Variants in NTM observed in about 807,000 individuals in gnomAD.
NTM encodes the protein neurotrimin.
In NTM, 13 loss-of-function variants were observed where a neutral mutation model predicts 42.1. That is an observed-to-expected ratio of 0.31 (90% CI 0.20 to 0.49). The LOEUF (loss-of-function observed/expected upper bound fraction) is 0.49, where lower values mean the gene tolerates loss of function less well. Among genes scored for constraint, NTM ranks in the 20% least tolerant of loss-of-function variants. The pLI is 0.99. For missense variants in NTM, 373 were observed against 452.8 expected (o/e 0.82, Z 1.60); for synonymous variants, 187 against 179.2 (o/e 1.04, Z -0.35).
At chr11:131,385,862 C>A (rs1444122259) in intron 1 of NTM, among the ~76,000 whole-genome samples, 1 of 151,932 alleles carries the variant, frequency 6.6e-6, no homozygotes, top group South Asian at 2.1e-4. Context: ...AGTGTCTAAA[C>A]GAAACAAAAT....
intron 2 of NTM, among the ~76,000 whole-genome samples, chr11:132,134,749 A>ATCTATC (rs1289812194): frequency 2.1e-4 from 22 of 106,934 alleles, no homozygotes; most frequent in East Asian, 3.1e-4. Flanking sequence ...ATATATATAT[A>ATCTATC]TATATATATA....
At chr11:132,024,111 C>A (rs975199666) in intron 2 of NTM, among the ~76,000 whole-genome samples, 1 of 151,806 alleles carries the variant, frequency 6.6e-6, no homozygotes, top group Non-Finnish European at 1.5e-5. Flanking sequence ...AGCTACTGCA[C>A]CCAGCATTTT....
intron 7 of NTM, among the ~76,000 whole-genome samples, chr11:132,326,248 G>A (rs1488780239): frequency 5.3e-5 from 8 of 152,166 alleles, no homozygotes; most frequent in East Asian, 1.9e-4. Flanking sequence ...GACATGCATT[G>A]CTATGGCTAT....
chr11:131,432,836 A>ATTTTTTTTTTTTTT (rs1565494754), intron 1 of NTM, among the ~76,000 whole-genome samples: 1 of 87,390 alleles, frequency 1.1e-5, no homozygotes, highest in African/African-American at 4.5e-5. Context: ...AAGATTTAGC[A>ATTTTTTTTTTTTTT]TTCTTTTTTT....
chr11:131,688,287 G>T (rs1429825161), intron 1 of NTM, among the ~76,000 whole-genome samples: 1 of 152,188 alleles, frequency 6.6e-6, no homozygotes, highest in Non-Finnish European at 1.5e-5. Flanking sequence ...CAGCTTGCCC[G>T]TCCTCCTTCC....
chr11:131,799,198 A>T (rs564526352), intron 1 of NTM, among the ~76,000 whole-genome samples: 5 of 152,292 alleles, frequency 3.3e-5, no homozygotes, highest in African/African-American at 1.2e-4. Flanking sequence ...TACATACTAT[A>T]TCCCACCCTA....
intron 2 of NTM, among the ~76,000 whole-genome samples, chr11:131,963,445 T>C (rs553857944): frequency 1.3e-5 from 2 of 152,364 alleles, no homozygotes; most frequent in South Asian, 4.1e-4. Flanking sequence ...AAGGGAGATA[T>C]TATCTCTGTC....
chr11:132,248,181 G>A (rs1293484530), intron 4 of NTM, among the ~76,000 whole-genome samples: 2 of 152,096 alleles, frequency 1.3e-5, no homozygotes, highest in African/African-American at 2.4e-5. Context: ...CCATTCTCAG[G>A]GAGGGAGAGA....
At chr11:131,875,465 T>G (rs1168667090) in intron 1 of NTM, among the ~76,000 whole-genome samples, 2 of 152,218 alleles carry the variant, frequency 1.3e-5, no homozygotes, top group East Asian at 3.8e-4. Flanking sequence ...TCTATAATAA[T>G]GCAGAAAATT....
chr11:132,067,113 C>G (rs147207899), intron 2 of NTM, among the ~76,000 whole-genome samples: 1 of 152,314 alleles, frequency 6.6e-6, no homozygotes, highest in African/African-American at 2.4e-5. Context: ...TGCCACCACA[C>G]TCAGCTAATT....
At chr11:131,525,633 G>A (rs1197437284) in intron 1 of NTM, among the ~76,000 whole-genome samples, 4 of 152,178 alleles carry the variant, frequency 2.6e-5, no homozygotes, top group African/African-American at 9.7e-5. Context: ...GAATGAAAAG[G>A]TCATCCGACT....
intron 1 of NTM, among the ~76,000 whole-genome samples, chr11:131,675,925 T>A (rs1030107324): frequency 6.6e-6 from 1 of 152,184 alleles, no homozygotes; most frequent in Non-Finnish European, 1.5e-5. Context: ...AGGACTGGGG[T>A]CCAGATCCAT....
chr11:131,774,348 C>A (rs970011714), intron 1 of NTM, among the ~76,000 whole-genome samples: 1 of 152,204 alleles, frequency 6.6e-6, no homozygotes, highest in African/African-American at 2.4e-5. Flanking sequence ...CCATTCTTAT[C>A]ATTCACAGTA....
intron 3 of NTM, among the ~76,000 whole-genome samples, chr11:132,206,944 G>A (rs1325718526): frequency 6.6e-6 from 1 of 152,128 alleles, no homozygotes; most frequent in Non-Finnish European, 1.5e-5. Flanking sequence ...CAACTCTCTG[G>A]AATGTTTACA....
At position 131,400,408 on chromosome 11, in the gene NTM, C is replaced by T. The variant is rs187123703; in HGVS notation, c.82+29520C>T. Among the ~76,000 whole-genome samples the T allele has an allele frequency of 7.9e-5, 12 of 152,216 alleles. No homozygotes were observed. The East Asian group carries it at 1.5e-3, about 20-fold the overall frequency. ...CAAATGCACAATCTTTATTCCCGGA[C>T]CGTGTCTCTAGTTTAAATTCCTGGA... On this transcript the variant is annotated intron_variant, in intron 1 of 8. Coordinates refer to ENST00000683400, the MANE Select transcript of NTM (RefSeq NM_001352005.2).
chr11:132,236,294 A>G (rs1292960479), intron 4 of NTM, among the ~76,000 whole-genome samples: 1 of 152,184 alleles, frequency 6.6e-6, no homozygotes, highest in Admixed American at 6.5e-5. Flanking sequence ...TGATTTTTCC[A>G]AAGTTATATA....
intron 2 of NTM, among the ~76,000 whole-genome samples, chr11:132,112,338 G>A (rs183336989): frequency 2.2e-4 from 34 of 152,224 alleles, no homozygotes; most frequent in Non-Finnish European, 3.1e-4. Context: ...TTTCACAGAA[G>A]GGTACAGCTC....
chr11:131,726,575 A>G (rs1021734344), intron 1 of NTM, among the ~76,000 whole-genome samples: 2 of 151,214 alleles, frequency 1.3e-5, no homozygotes, highest in African/African-American at 4.9e-5. Context: ...TTGGCTACCA[A>G]CCATCACAGC....
intron 4 of NTM, chr11:132,284,877 CG>C (rs2094165388): frequency 6.6e-6 from 1 of 152,326 alleles, no homozygotes; most frequent in South Asian, 2.1e-4. Flanking sequence ...TGAGCCGCTG[CG>C]GATGCATGCG....
Sources: allele counts gnomAD v4.1 joint callset (sites outside exome capture counted in the v4.1 genomes callset), GRCh38; gene constraint gnomAD v4.1.1; transcripts MANE v1.5; gene names NCBI Gene and HGNC (gene_info 2026-07-23, HGNC 2026-07-21).